Variants in CSMD1 observed in about 807,000 individuals in gnomAD.
The protein encoded by CSMD1 is CUB and sushi domain-containing protein 1.
In CSMD1, 213 loss-of-function variants were observed where a neutral mutation model predicts 417.5. That is an observed-to-expected ratio of 0.51 (90% CI 0.46 to 0.57). The LOEUF is 0.57. Ranked by LOEUF, CSMD1 falls within the 20% of genes least tolerant of loss-of-function variation. The pLI, the probability that CSMD1 is intolerant of heterozygous loss-of-function variation, is 0.00. For synonymous variants in CSMD1, 2,862 were observed against 1,736.8 expected, an observed-to-expected ratio of 1.65 and a Z score of -16.11; for missense variants, 6,923 against 4,529.7, an observed-to-expected ratio of 1.53 and a Z score of -15.17.
chr8:3,352,502 GT>G (rs1170504332), intron 21 of CSMD1, among the ~76,000 whole-genome samples: 2 of 152,064 alleles, frequency 1.3e-5, no homozygotes, highest in African/African-American at 2.4e-5. Context: ...ATCTAATTTT[GT>G]TTTTGGTCTA....
chr8:4,003,795 T>TA (rs1466799635), intron 4 of CSMD1, among the ~76,000 whole-genome samples: 1 of 152,156 alleles, frequency 6.6e-6, no homozygotes, highest in Non-Finnish European at 1.5e-5. Context: ...GTCTGATGTC[T>TA]ACTGAGTATA....
intron 2 of CSMD1, among the ~76,000 whole-genome samples, chr8:4,584,528 G>C (rs1457273603): frequency 1.3e-5 from 2 of 152,082 alleles, no homozygotes; most frequent in African/African-American, 2.4e-5. Context: ...CAACTCTTCG[G>C]AGTTGGGACC....
intron 1 of CSMD1, among the ~76,000 whole-genome samples, chr8:4,750,064 T>TG (rs1554468509): frequency 1.9e-4 from 29 of 150,532 alleles, no homozygotes; most frequent in African/African-American, 5.3e-4. Context: ...TGGAGTGCAG[T>TG]GGGCGATCTC....
chr8:4,489,006 C>T (rs1053261177), intron 2 of CSMD1, among the ~76,000 whole-genome samples: 6 of 152,150 alleles, frequency 3.9e-5, no homozygotes, highest in African/African-American at 1.4e-4. Context: ...CGCCTCCCAG[C>T]TTCAAGCAAT....
chr8:3,293,509 G>C (rs907826023), intron 25 of CSMD1, among the ~76,000 whole-genome samples: 6 of 152,102 alleles, frequency 3.9e-5, no homozygotes, highest in African/African-American at 1.4e-4. Flanking sequence ...ATATTTCTTG[G>C]AGGCTTTGTT....
chr8:4,930,295 A>G (rs979286394), intron 1 of CSMD1, among the ~76,000 whole-genome samples: 4 of 152,338 alleles, frequency 2.6e-5, no homozygotes, highest in East Asian at 1.9e-4. Flanking sequence ...AAAGTGTCAT[A>G]TGCAATTGGT....
chr8:3,554,100 CTG>C (rs1238420300), intron 10 of CSMD1, among the ~76,000 whole-genome samples: 1 of 152,290 alleles, frequency 6.6e-6, no homozygotes, highest in African/African-American at 2.4e-5. Flanking sequence ...TTCTTCATGA[CTG>C]TATTTAATGC....
chr8:3,669,312 T>G (rs1456048397), intron 7 of CSMD1, among the ~76,000 whole-genome samples: 1 of 152,182 alleles, frequency 6.6e-6, no homozygotes, highest in Admixed American at 6.5e-5. Flanking sequence ...TGCCTGTTTG[T>G]GTGAGCAATT....
At chr8:4,542,795 T>C (rs1223096506) in intron 2 of CSMD1, among the ~76,000 whole-genome samples, 3 of 152,166 alleles carry the variant, frequency 2.0e-5, no homozygotes, top group African/African-American at 7.2e-5. Context: ...TTTTAAAATA[T>C]TCAAGAAATA....
chr8:4,910,942 C>T (rs562163168), intron 1 of CSMD1, among the ~76,000 whole-genome samples: 4 of 152,148 alleles, frequency 2.6e-5, no homozygotes, highest in African/African-American at 9.7e-5. Flanking sequence ...CTCTCCCATG[C>T]TGTTCTCACC....
chr8:4,911,039 A>G (rs917682270), intron 1 of CSMD1, among the ~76,000 whole-genome samples: 1 of 152,206 alleles, frequency 6.6e-6, no homozygotes, highest in African/African-American at 2.4e-5. Flanking sequence ...CCATCCATGT[A>G]AGATGTGACT....
At position 4,777,355 on chromosome 8, in the gene CSMD1, A is replaced by C. The variant is rs1411910393; in HGVS notation, c.86-139797T>G. Among the ~76,000 whole-genome samples, 4 of 152,132 alleles carry C rather than the reference A, an allele frequency of 2.6e-5. No individual in the cohort carries two copies. The East Asian group carries it at 7.7e-4, about 29-fold the overall frequency. On this transcript the variant is annotated intron_variant, in intron 1 of 69. Coordinates refer to ENST00000635120, the MANE Select transcript of CSMD1 (RefSeq NM_033225.6). ...TGAGAGAGTGCCTTTGGTAGATGAG[A>C]TGTCTGGTTTTGAGCTTGGGGATGA...
At chr8:3,495,111 G>C (rs1398262896) in intron 10 of CSMD1, among the ~76,000 whole-genome samples, 1 of 152,106 alleles carries the variant, frequency 6.6e-6, no homozygotes, top group Non-Finnish European at 1.5e-5. Context: ...CATTATTTTA[G>C]CAATCTCATT....
chr8:3,564,785 G>A (rs563548905), intron 10 of CSMD1, among the ~76,000 whole-genome samples: 1 of 152,080 alleles, frequency 6.6e-6, no homozygotes, highest in East Asian at 1.9e-4. Flanking sequence ...TGAAAGGGGT[G>A]ATGACAGAGG....
intron 17 of CSMD1, among the ~76,000 whole-genome samples, chr8:3,393,280 T>G (rs1811457435): frequency 6.6e-6 from 1 of 152,268 alleles, no homozygotes; most frequent in Admixed American, 6.5e-5. Flanking sequence ...ATTTCCTGTC[T>G]TCACTCACTA....
intron 1 of CSMD1, among the ~76,000 whole-genome samples, chr8:4,647,958 A>G (rs747850706): frequency 2.0e-5 from 3 of 152,174 alleles, no homozygotes; most frequent in African/African-American, 4.8e-5. Context: ...GTCAAATGGT[A>G]TTTCTGGTTC....
chr8:4,491,184 C>G lies in CSMD1; in HGVS notation c.303-71119G>C, dbSNP rs534663516. On this transcript the variant is annotated intron_variant, in intron 2 of 69. Coordinates refer to ENST00000635120, the MANE Select transcript of CSMD1 (RefSeq NM_033225.6). ...ACCTATGTAACAATCTGTACATGTA[C>G]TGCTGAACTTAAAATACAAGTTAAA... Among the ~76,000 whole-genome samples, 3 of 152,188 alleles carry G rather than the reference C, an allele frequency of 2.0e-5. No homozygotes were observed. In the South Asian group the frequency reaches 6.2e-4, roughly 32 times the overall value.
At chr8:3,920,451 C>T (rs549824158) in intron 5 of CSMD1, among the ~76,000 whole-genome samples, 1 of 152,012 alleles carries the variant, frequency 6.6e-6, no homozygotes, top group South Asian at 2.1e-4. Context: ...TTCTTACTTT[C>T]CAATTTGAGT....
intron 3 of CSMD1, among the ~76,000 whole-genome samples, chr8:4,156,701 G>A (rs375749661): frequency 1.2e-3 from 183 of 152,250 alleles, no homozygotes; most frequent in African/African-American, 3.3e-3. Flanking sequence ...AGGGGCCCAA[G>A]AAGAGACTAT....
Sources: gnomAD v4.1 joint callset for allele counts (sites outside exome capture counted in the v4.1 genomes callset) on GRCh38, gnomAD v4.1.1 for gene constraint, MANE v1.5 for transcripts, NCBI Gene and HGNC (gene_info 2026-07-23, HGNC 2026-07-21) for gene names.